Variants in GABBR2 observed in about 807,000 individuals in gnomAD.
GABBR2 encodes the protein gamma-aminobutyric acid type B receptor subunit 2.
Under a neutral mutation model 105.6 loss-of-function variants are expected in GABBR2, and 23 were observed. The observed-to-expected ratio is 0.22, with a 90% CI of 0.16 to 0.31. The LOEUF (loss-of-function observed/expected upper bound fraction) is 0.31, where lower values mean the gene tolerates loss of function less well. Ranked by LOEUF, GABBR2 falls within the 10% of genes least tolerant of loss-of-function variation. The probability of loss-of-function intolerance (pLI) is 1.00; values close to 1 mark genes in which losing one functional copy is unlikely to be tolerated. For synonymous variants in GABBR2, 478 were observed against 499.7 expected (o/e 0.96, Z 0.58); for missense variants, 734 against 1,245.5 (o/e 0.59, Z 6.18).
At chr9:98,369,247 G>A (rs146688472) in intron 12 of GABBR2, among the ~76,000 whole-genome samples, 13 of 152,360 alleles carry the variant, frequency 8.5e-5, no homozygotes, top group Non-Finnish European at 1.9e-4. Flanking sequence ...GGGTGGCAGA[G>A]CAGGGCCCCT....
In GABBR2 at chr9:98,406,093, T is replaced by C. The variant is rs1588144171; in HGVS notation, c.1285A>G (p.Thr429Ala). ...TCAAAATGCCTACCTTGAAATTGAG[T>C]AAATTTAATGGTCCCCATTCTCTCC... Reference protein sequence around the residue: ...NGERMGTIKFTQFQDSREVKV... With the variant: ...NGERMGTIKFAQFQDSREVKV... The change falls in exon 8 of 19, where the codon ACT becomes GCT. Residue 429 changes from threonine (T) to alanine (A), a missense_variant. Thr to Ala is a moderately conservative substitution (Grantham distance 58). Transcript: ENST00000259455. 6.4e-7 allele frequency: 1 copy of C among 1,569,176 alleles called. No homozygotes were observed. Among genetic ancestry groups the C allele is most frequent in the Non-Finnish European group, 8.7e-7 (1 of 1,145,238 alleles).
At chr9:98,422,692 T>C (rs1299736036) in intron 7 of GABBR2, among the ~76,000 whole-genome samples, 3 of 152,120 alleles carry the variant, frequency 2.0e-5, no homozygotes, top group African/African-American at 7.2e-5. Context: ...ACATGTGCCA[T>C]GCTGGTGTGC....
chr9:98,434,824 C>T (rs966945646), intron 7 of GABBR2, among the ~76,000 whole-genome samples: 8 of 152,210 alleles, frequency 5.3e-5, no homozygotes, highest in Non-Finnish European at 8.8e-5. Context: ...GCTGTGCCAC[C>T]AGGCCAAACA....
chr9:98,492,349 T>TAA (rs574771107), intron 4 of GABBR2, among the ~76,000 whole-genome samples: 1,576 of 29,170 alleles, frequency 0.054, 187 homozygotes, highest in African/African-American at 0.1. Context: ...TGTTTCCTAG[T>TAA]AAAAAAAAAA....
rs1214871859 is a variant in GABBR2 at position 98,708,677 on chromosome 9, C to T, written c.61G>A (p.Ala21Thr). 2 of 1,147,092 alleles carry T rather than the reference C, an allele frequency of 1.7e-6. No homozygotes were observed. Among genetic ancestry groups the T allele is most frequent in the Non-Finnish European group, 2.1e-6 (2 of 934,364 alleles). 71.1% of individuals were successfully genotyped at this position (1,147,092 alleles called of 1,614,324 possible). Residue 21 changes from alanine to threonine, a missense_variant, in exon 1 of 19, where the codon GCG (alanine) becomes ACG (threonine). Ala to Thr is a moderately conservative substitution (Grantham distance 58, BLOSUM62 0). Transcript: ENST00000259455. ...GPPPPPPPPP[A>T]RLLLLLLLPL... ...AGCAGCAGTAGCAGTAGCAGGCGCG[C>T]GGGCGGCGGTGGCGGCGGCGGCGGC...
At chr9:98,298,115 C>T (rs558680156) in intron 17 of GABBR2, among the ~76,000 whole-genome samples, 6 of 151,422 alleles carry the variant, frequency 4.0e-5, no homozygotes, top group Non-Finnish European at 2.9e-5. Context: ...TCTTTTCACA[C>T]GAGTGAATAC....
At chr9:98,697,233 T>A (rs1830764901) in intron 1 of GABBR2, among the ~76,000 whole-genome samples, 1 of 152,166 alleles carries the variant, frequency 6.6e-6, no homozygotes, top group Non-Finnish European at 1.5e-5. Context: ...GGCTTACGCC[T>A]GTAATCCTAG....
chr9:98,575,732 G>A (rs1289072679), intron 2 of GABBR2, among the ~76,000 whole-genome samples: 1 of 152,216 alleles, frequency 6.6e-6, no homozygotes, highest in Non-Finnish European at 1.5e-5. Context: ...ACTGAGCCAT[G>A]CTGGCTTTCA....
chr9:98,536,848 T>C (rs899075234), intron 3 of GABBR2, among the ~76,000 whole-genome samples: 1 of 152,150 alleles, frequency 6.6e-6, no homozygotes, highest in African/African-American at 2.4e-5. Flanking sequence ...TACTGTTGTC[T>C]TCCATCTGGC....
At chr9:98,517,707 G>A (rs1827784915) in intron 3 of GABBR2, among the ~76,000 whole-genome samples, 3 of 152,166 alleles carry the variant, frequency 2.0e-5, no homozygotes, top group Admixed American at 1.3e-4. Context: ...GCCCTGCCCT[G>A]CCCTGCTTTT....
intron 7 of GABBR2, among the ~76,000 whole-genome samples, chr9:98,427,681 C>T (rs560442964): frequency 6.6e-6 from 1 of 152,048 alleles, no homozygotes; most frequent in Non-Finnish European, 1.5e-5. Context: ...AAAGATGCCG[C>T]AGCCTCAGTT....
chr9:98,456,864 A>G (rs1826333735), intron 6 of GABBR2, among the ~76,000 whole-genome samples: 1 of 152,368 alleles, frequency 6.6e-6, no homozygotes, highest in Non-Finnish European at 1.5e-5. Context: ...TATTTTAAAT[A>G]TTAACCAGCA....
intron 2 of GABBR2, among the ~76,000 whole-genome samples, chr9:98,574,640 C>G (rs1485008699): frequency 6.6e-6 from 1 of 152,138 alleles, no homozygotes; most frequent in Non-Finnish European, 1.5e-5. Flanking sequence ...GATTTGTTAC[C>G]CAGTGGTAAA....
chr9:98,397,834 C>T (rs1245823855), intron 8 of GABBR2, among the ~76,000 whole-genome samples: 2 of 152,138 alleles, frequency 1.3e-5, no homozygotes, highest in Non-Finnish European at 2.9e-5. Flanking sequence ...TGTGTGTGTC[C>T]AGGGCTTCTG....
In GABBR2 at chr9:98,459,358, AT is replaced by A. The variant is rs199758168; in HGVS notation, c.1000-5142del. On this transcript the variant is annotated intron_variant, in intron 6 of 18. Transcript: ENST00000259455. Reference sequence around the variant, plus strand: ...ATCCATCATTCTGGAGAGAAGATAAATGCTTTGAGATGGGCCCCAAATTCTT... The same window carrying A: ...ATCCATCATTCTGGAGAGAAGATAAAGCTTTGAGATGGGCCCCAAATTCTT... 8.6e-4 allele frequency among the ~76,000 whole-genome samples: 131 copies of A among 152,316 alleles called. 1 individual carries two copies. The East Asian group carries it at 0.021, about 24-fold the overall frequency.
chr9:98,699,402 C>T (rs988437151), intron 1 of GABBR2, among the ~76,000 whole-genome samples: 2 of 152,004 alleles, frequency 1.3e-5, no homozygotes, highest in Admixed American at 6.6e-5. Flanking sequence ...AATAAGAACC[C>T]GAAAGAATGA....
At chr9:98,529,046 C>T (rs940766808) in intron 3 of GABBR2, among the ~76,000 whole-genome samples, 4 of 152,090 alleles carry the variant, frequency 2.6e-5, no homozygotes, top group Admixed American at 6.6e-5. Flanking sequence ...TGATGGCATA[C>T]GCACAGGGTA....
intron 3 of GABBR2, among the ~76,000 whole-genome samples, chr9:98,538,208 G>A (rs746332002): frequency 2.6e-5 from 4 of 152,210 alleles, no homozygotes; most frequent in Non-Finnish European, 5.9e-5. Context: ...TTTTACACAA[G>A]GGAAAAGTGG....
At chr9:98,331,396 C>CTTT (rs142735341) in intron 13 of GABBR2, among the ~76,000 whole-genome samples, 2,699 of 75,682 alleles carry the variant, frequency 0.036, 8 homozygotes, top group Non-Finnish European at 0.041. Flanking sequence ...AGTCCCTCTT[C>CTTT]TTTTTTTTTT....
Sources: gnomAD v4.1 joint callset for allele counts (sites outside exome capture counted in the v4.1 genomes callset) on GRCh38, gnomAD v4.1.1 for gene constraint, MANE v1.5 for transcripts, NCBI Gene and HGNC (gene_info 2026-07-23, HGNC 2026-07-21) for gene names.